PARD3B: variants seen among roughly 807,000 people sequenced by gnomAD.
PARD3B encodes the protein partitioning defective 3 homolog B.
A neutral mutation model predicts 130.2 loss-of-function variants in PARD3B; 103 were observed. The observed-to-expected ratio is 0.79, with a 90% CI of 0.67 to 0.93. PARD3B has a LOEUF of 0.93. Among genes scored for constraint, PARD3B ranks in the 40% least tolerant of loss-of-function variants. PARD3B has a pLI of 0.00. For synonymous variants in PARD3B, 583 were observed against 553.2 expected (o/e 1.05, Z -0.76); for missense variants, 1,609 against 1,499.2 (o/e 1.07, Z -1.21).
intron 18 of PARD3B, among the ~76,000 whole-genome samples, chr2:205,378,375 T>C (rs879817791): frequency 1.3e-5 from 2 of 152,128 alleles, no homozygotes; most frequent in African/African-American, 2.4e-5. Flanking sequence ...TGGATACCTG[T>C]TGTCAGCCAC....
At chr2:204,961,670 A>G (rs1220144715) in intron 2 of PARD3B, among the ~76,000 whole-genome samples, 1 of 152,162 alleles carries the variant, frequency 6.6e-6, no homozygotes, top group African/African-American at 2.4e-5. Context: ...TAAATGTGGA[A>G]GATGACGAAG....
chr2:205,342,819 T>A (rs2043592618), intron 18 of PARD3B, among the ~76,000 whole-genome samples: 1 of 152,186 alleles, frequency 6.6e-6, no homozygotes, highest in South Asian at 2.1e-4. Context: ...TTTTTTCTCA[T>A]CACCATGCAT....
In PARD3B at chr2:205,018,953, T is replaced by C. The variant is rs1162371914; in HGVS notation, c.395-28628T>C. Among the ~76,000 whole-genome samples, 3 of 152,222 alleles carry C rather than the reference T, an allele frequency of 2.0e-5. No homozygotes were observed. In the East Asian group the frequency reaches 5.8e-4, roughly 29 times the overall value. On this transcript the variant is annotated intron_variant, in intron 3 of 22. Coordinates refer to ENST00000406610, the MANE Select transcript of PARD3B (RefSeq NM_001302769.2). ...TTATACTTAAATTTATCAGATTGGG[T>C]GGTTCTTTTTGACTTAACAGCTTAT... is the stretch of plus-strand genomic sequence containing the variant.
At chr2:204,702,006 G>A (rs2037917794) in intron 2 of PARD3B, among the ~76,000 whole-genome samples, 1 of 152,134 alleles carries the variant, frequency 6.6e-6, no homozygotes, top group African/African-American at 2.4e-5. Flanking sequence ...TTGGTTTTCT[G>A]TTCCTGAGTT....
intron 2 of PARD3B, among the ~76,000 whole-genome samples, chr2:204,953,785 G>T (rs146063502): frequency 6.6e-6 from 1 of 152,156 alleles, no homozygotes; most frequent in South Asian, 2.1e-4. Context: ...GTTATTTGCC[G>T]TAATAATTAT....
chr2:205,496,290 A>G (rs912259393), intron 20 of PARD3B, among the ~76,000 whole-genome samples: 1 of 152,182 alleles, frequency 6.6e-6, no homozygotes, highest in Non-Finnish European at 1.5e-5. Flanking sequence ...TCTGCTGAGA[A>G]GAGCTACAAA....
intron 2 of PARD3B, among the ~76,000 whole-genome samples, chr2:204,854,457 A>G (rs1323180476): frequency 6.6e-6 from 1 of 152,186 alleles, no homozygotes. Flanking sequence ...AGTATGGATA[A>G]TCTGTTGAAA....
intron 2 of PARD3B, among the ~76,000 whole-genome samples, chr2:204,711,353 T>G (rs2038423969): frequency 6.6e-6 from 1 of 152,172 alleles, no homozygotes; most frequent in Non-Finnish European, 1.5e-5. Context: ...GCCTTTTTAA[T>G]AGTTCATTGT....
chr2:204,835,273 C>G (rs985684506), intron 2 of PARD3B, among the ~76,000 whole-genome samples: 1 of 152,174 alleles, frequency 6.6e-6, no homozygotes, highest in African/African-American at 2.4e-5. Context: ...TGTCTTGATG[C>G]AGAAATTATC....
At chr2:205,400,734 C>T (rs796329992) in intron 18 of PARD3B, among the ~76,000 whole-genome samples, 15 of 152,080 alleles carry the variant, frequency 9.9e-5, no homozygotes, top group African/African-American at 3.6e-4. Flanking sequence ...CTGTCTTTCT[C>T]AGACTTCCAT....
chr2:205,020,714 A>G (rs575742930), intron 3 of PARD3B, among the ~76,000 whole-genome samples: 2 of 152,252 alleles, frequency 1.3e-5, no homozygotes, highest in South Asian at 4.1e-4. Flanking sequence ...TGTGTTGTCG[A>G]AGTCAGATGG....
At chr2:205,235,998 C>T (rs2125902944) in intron 15 of PARD3B, among the ~76,000 whole-genome samples, 1 of 152,192 alleles carries the variant, frequency 6.6e-6, no homozygotes, top group Middle Eastern at 3.4e-3. Context: ...GACGTGTGAA[C>T]ATTATTAGGT....
chr2:204,828,837 G>T (rs1019884922), intron 2 of PARD3B, among the ~76,000 whole-genome samples: 3 of 152,166 alleles, frequency 2.0e-5, no homozygotes, highest in Non-Finnish European at 4.4e-5. Context: ...TCCATTGTCT[G>T]CAGGGTCAAA....
At chr2:204,756,326 G>A (rs2040672495) in intron 2 of PARD3B, among the ~76,000 whole-genome samples, 1 of 152,026 alleles carries the variant, frequency 6.6e-6, no homozygotes. Context: ...CCCTATCTTT[G>A]TATGGCTGCA....
chr2:205,252,996 A>T (rs545391488), intron 16 of PARD3B, among the ~76,000 whole-genome samples: 33 of 151,424 alleles, frequency 2.2e-4, no homozygotes, highest in African/African-American at 7.5e-4. Flanking sequence ...TTTAAGTTAA[A>T]CTTAATGGGT....
chr2:205,506,874 T>C (rs2106359743), intron 21 of PARD3B, among the ~76,000 whole-genome samples: 1 of 152,326 alleles, frequency 6.6e-6, no homozygotes, highest in South Asian at 2.1e-4. Flanking sequence ...TTTTGTTGAC[T>C]TATTTAAAAG....
At chr2:204,819,948 G>T (rs1214768346) in intron 2 of PARD3B, among the ~76,000 whole-genome samples, 2 of 152,098 alleles carry the variant, frequency 1.3e-5, no homozygotes, top group Non-Finnish European at 2.9e-5. Context: ...TTTAAGGAAA[G>T]AGGCCATCTC....
intron 3 of PARD3B, among the ~76,000 whole-genome samples, chr2:205,035,820 T>TATATATATATAGTGGG (rs1491091922): frequency 0.012 from 28 of 2,294 alleles, 2 homozygotes; most frequent in African/African-American, 0.023. Context: ...TATATATATA[T>TATATATATATAGTGGG]CTATATATCT....
intron 22 of PARD3B, among the ~76,000 whole-genome samples, chr2:205,560,126 T>C (rs1158759002): frequency 2.0e-5 from 3 of 152,194 alleles, no homozygotes; most frequent in Admixed American, 2.0e-4. Context: ...ACCCAAACAG[T>C]CTGGCTGCGA....
Sources: gnomAD v4.1 joint callset for allele counts (sites outside exome capture counted in the v4.1 genomes callset) on GRCh38, gnomAD v4.1.1 for gene constraint, MANE v1.5 for transcripts, NCBI Gene and HGNC (gene_info 2026-07-23, HGNC 2026-07-21) for gene names.